The following GALNT17 variants were observed in gnomAD, a reference collection of about 807,000 sequenced individuals.
GALNT17 encodes the protein UDP-GalNAc:polypeptide N-acetylgalactosaminyltransferase-like 3.
GALNT17 carries 29 observed loss-of-function variants against 63.7 expected under a neutral mutation model. The ratio of observed to expected loss-of-function variants is 0.46; its 90% CI spans 0.34 to 0.62. The LOEUF (loss-of-function observed/expected upper bound fraction) is 0.62, where lower values mean the gene tolerates loss of function less well. Ranked by LOEUF, GALNT17 falls within the 20% of genes least tolerant of loss-of-function variation. GALNT17 has a pLI of 0.01. For synonymous variants in GALNT17, 305 were observed against 318.3 expected (o/e 0.96, Z 0.45); for missense variants, 603 against 799.6 (o/e 0.75, Z 2.97).
At chr7:71,387,958 T>C (rs1443020952) in intron 2 of GALNT17, among the ~76,000 whole-genome samples, 5 of 152,102 alleles carry the variant, frequency 3.3e-5, no homozygotes, top group Non-Finnish European at 5.9e-5. Context: ...TGCTCCATAT[T>C]ATATTATAGT....
At chr7:71,496,532 G>A (rs573014358) in intron 5 of GALNT17, among the ~76,000 whole-genome samples, 29 of 152,286 alleles carry the variant, frequency 1.9e-4, no homozygotes, top group Non-Finnish European at 1.9e-4. Context: ...CAGTGACATA[G>A]AAATGATCTC....
At chr7:71,215,590 A>G (rs1006473496) in intron 1 of GALNT17, among the ~76,000 whole-genome samples, 4 of 152,080 alleles carry the variant, frequency 2.6e-5, no homozygotes, top group African/African-American at 7.2e-5. Context: ...CAGTTTTTCA[A>G]TCTTTTTCGC....
At position 71,507,866 on chromosome 7, in the gene GALNT17, C is replaced by A. The variant is rs1362105387; in HGVS notation, c.963-63419C>A. ...AAGCAGGAGGATTTCAAGTTCCCCA[C>A]GCCTCAGATCAGCATGCAGCTCACA... is the stretch of plus-strand genomic sequence containing the variant. On this transcript the variant is annotated intron_variant, in intron 5 of 10. Coordinates refer to ENST00000333538, the MANE Select transcript of GALNT17 (RefSeq NM_022479.3). 3.9e-5 allele frequency among the ~76,000 whole-genome samples: 6 copies of A among 152,148 alleles called. No individual in the cohort carries two copies. The East Asian group carries it at 1.2e-3, about 29-fold the overall frequency.
intron 1 of GALNT17, among the ~76,000 whole-genome samples, chr7:71,295,834 A>G (rs923367149): frequency 5.3e-5 from 8 of 151,906 alleles, no homozygotes; most frequent in African/African-American, 1.2e-4. Flanking sequence ...GCCTCAAGCA[A>G]TCTTCCTGCC....
Position 71,252,426 on chromosome 7 carries a change from G to A in GALNT17, c.239-83124G>A, listed in dbSNP as rs542764576. On this transcript the variant is annotated intron_variant, in intron 1 of 10. Transcript: ENST00000333538. ...TGTAGTCCCAGCTACTCGGGAGGCTGAGGCAGGAGAATCTCTTGAACATGA... is the reference window on the plus strand; with the variant it reads ...TGTAGTCCCAGCTACTCGGGAGGCTAAGGCAGGAGAATCTCTTGAACATGA... 3.9e-5 allele frequency among the ~76,000 whole-genome samples: 6 copies of A among 152,260 alleles called. No individual in the cohort carries two copies. In the South Asian group the frequency reaches 1.2e-3, roughly 32 times the overall value.
chr7:71,340,153 G>A (rs917026721), intron 2 of GALNT17, among the ~76,000 whole-genome samples: 1 of 152,288 alleles, frequency 6.6e-6, no homozygotes, highest in East Asian at 1.9e-4. Context: ...TCTGATGGCC[G>A]GGGGAGGGGA....
Position 71,697,465 on chromosome 7 carries a change from C to T in GALNT17, c.1501-13296C>T, listed in dbSNP as rs556474208. On this transcript the variant is annotated intron_variant, in intron 9 of 10. Coordinates refer to ENST00000333538, the MANE Select transcript of GALNT17 (RefSeq NM_022479.3). ...GAAGGGTGCAAAGTTGATTCAAGTG[C>T]GCAAGTCTAGAACTAGGGGACTCTG... Among the ~76,000 whole-genome samples, 36 of 152,126 alleles carry T rather than the reference C, an allele frequency of 2.4e-4. No individual in the cohort carries two copies. In the South Asian group the frequency reaches 6.9e-3, roughly 29 times the overall value.
intron 4 of GALNT17, among the ~76,000 whole-genome samples, chr7:71,418,999 T>G (rs1786607542): frequency 6.6e-6 from 1 of 152,082 alleles, no homozygotes; most frequent in Non-Finnish European, 1.5e-5. Context: ...GAGAATCGCT[T>G]GAACCTGGGA....
intron 5 of GALNT17, among the ~76,000 whole-genome samples, chr7:71,486,827 C>T (rs1408189856): frequency 6.7e-6 from 1 of 150,364 alleles, no homozygotes; most frequent in Admixed American, 6.6e-5. Flanking sequence ...GGTGCCATTG[C>T]ACTTCAACCT....
intron 1 of GALNT17, among the ~76,000 whole-genome samples, chr7:71,292,668 A>AGTGTGTGTGT (rs201057078): frequency 3.0e-5 from 2 of 67,372 alleles, no homozygotes; most frequent in African/African-American, 1.0e-4. Flanking sequence ...AGAGAGAGAG[A>AGTGTGTGTGT]GTGTGTGTGT....
At chr7:71,184,532 G>A (rs1788796167) in intron 1 of GALNT17, among the ~76,000 whole-genome samples, 1 of 152,106 alleles carries the variant, frequency 6.6e-6, no homozygotes, top group African/African-American at 2.4e-5. Context: ...GCATCTAAGA[G>A]CCTTATCCTC....
At chr7:71,445,157 C>T (rs998699923) in intron 5 of GALNT17, among the ~76,000 whole-genome samples, 8 of 150,120 alleles carry the variant, frequency 5.3e-5, no homozygotes, top group Admixed American at 1.3e-4. Context: ...CAGGGTGGAG[C>T]CACCTTTTTT....
chr7:71,531,983 G>A (rs182201298), intron 5 of GALNT17, among the ~76,000 whole-genome samples: 12 of 152,266 alleles, frequency 7.9e-5, no homozygotes, highest in Admixed American at 7.8e-4. Flanking sequence ...AGTTGAACAC[G>A]GGAGGGACCT....
At chr7:71,320,957 C>G (rs971186212) in intron 1 of GALNT17, among the ~76,000 whole-genome samples, 4 of 152,132 alleles carry the variant, frequency 2.6e-5, no homozygotes, top group African/African-American at 9.7e-5. Flanking sequence ...AGGTTCGTGT[C>G]CCACTCTGTC....
chr7:71,201,241 T>TATATATATATATATATATATATATATA lies in GALNT17; in HGVS notation c.238+68201_238+68202insATATATATATATATATATATATATATA, dbSNP rs1554338085. Among the ~76,000 whole-genome samples, 1,032 of 137,908 alleles carry TATATATATATATATATATATATATATA rather than the reference T, an allele frequency of 7.5e-3. 30 individuals are homozygous for TATATATATATATATATATATATATATA. The highest frequency in any genetic ancestry group is 0.018 in the East Asian group (81 of 4,422). The allele number at this position is 137,908 out of a possible 152,430, so 90.5% of individuals were successfully genotyped here. A position where few individuals can be genotyped will look rare whatever the true frequency, so the allele number is the denominator to read the frequency against. On this transcript the variant is annotated intron_variant, in intron 1 of 10. Coordinates refer to ENST00000333538, the MANE Select transcript of GALNT17 (RefSeq NM_022479.3). ...TGTATGGGGGTGTGTGTGTTTATTT[T>TATATATATATATATATATATATATATA]TATATATATATATATAATTTGTGTG...
chr7:71,283,819 G>A (rs552853269), intron 1 of GALNT17, among the ~76,000 whole-genome samples: 1 of 152,176 alleles, frequency 6.6e-6, no homozygotes, highest in East Asian at 1.9e-4. Flanking sequence ...GGACTTCCTG[G>A]GTCGAGTGGG....
intron 2 of GALNT17, among the ~76,000 whole-genome samples, chr7:71,373,347 G>A (rs949305951): frequency 2.6e-5 from 4 of 152,112 alleles, no homozygotes; most frequent in Non-Finnish European, 4.4e-5. Context: ...TGCTTTCTGC[G>A]GTGTGACTCA....
chr7:71,680,526 TCCTCCCTC>T (rs1216360780), intron 9 of GALNT17, among the ~76,000 whole-genome samples: 2 of 5,840 alleles, frequency 3.4e-4, no homozygotes, highest in Non-Finnish European at 5.5e-4. Context: ...CTCTCTCCCT[TCCTCCCTC>T]CCTCCCTTCC....
chr7:71,441,160 C>G (rs1430933098), intron 5 of GALNT17, among the ~76,000 whole-genome samples: 1 of 151,882 alleles, frequency 6.6e-6, no homozygotes, highest in East Asian at 1.9e-4. Flanking sequence ...GTAGCTGGGA[C>G]TATAGGCGCC....
Sources: allele counts gnomAD v4.1 joint callset (sites outside exome capture counted in the v4.1 genomes callset), GRCh38; gene constraint gnomAD v4.1.1; transcripts MANE v1.5; gene names NCBI Gene and HGNC (gene_info 2026-07-23, HGNC 2026-07-21).